The following KCNC1 variants were observed in gnomAD, a reference collection of about 807,000 sequenced individuals.
KCNC1 encodes the protein voltage-gated potassium channel KCNC1.
In KCNC1, 8 loss-of-function variants were observed where a neutral mutation model predicts 43.4. That is an observed-to-expected ratio of 0.18 (90% CI 0.11 to 0.33). The LOEUF (loss-of-function observed/expected upper bound fraction) is 0.33. KCNC1 is among the 10% of genes least tolerant of loss of function. The pLI, the probability that KCNC1 is intolerant of heterozygous loss-of-function variation, is 1.00. For synonymous variants in KCNC1, 361 were observed against 360.5 expected (o/e 1.00, Z -0.01); for missense variants, 420 against 836.0 (o/e 0.50, Z 6.14).
At chr11:17,749,916 G>A (rs1848946488) in intron 1 of KCNC1, among the ~76,000 whole-genome samples, 1 of 152,250 alleles carries the variant, frequency 6.6e-6, no homozygotes, top group Non-Finnish European at 1.5e-5. Flanking sequence ...CAGACCAGAG[G>A]CAGAAAGAGC....
Position 17,739,971 on chromosome 11 carries a change from A to C in KCNC1, c.570+3399A>C, listed in dbSNP as rs1170077584. On this transcript the variant is annotated intron_variant, in intron 1 of 3. Transcript: ENST00000265969. This position sits in a 1 kb window ranked among gnomAD's most constrained non-coding sequence, Gnocchi z 4.2. ...ACTGCCTCAGTCTCTGGGACTCCGGAGTGGCCTAACTGAGGGCATTTCCTT... is the reference window on the plus strand; with the variant it reads ...ACTGCCTCAGTCTCTGGGACTCCGGCGTGGCCTAACTGAGGGCATTTCCTT... 6.6e-6 allele frequency among the ~76,000 whole-genome samples: 1 copy of C among 152,134 alleles called. No individual in the cohort carries two copies. Among genetic ancestry groups the C allele is most frequent in the African/African-American group, 2.4e-5 (1 of 41,426 alleles).
rs1343407413 is a variant in KCNC1, at chr11:17,776,028, TAA to T, written c.1505-3427_1505-3426del. On this transcript the variant is annotated intron_variant, in intron 2 of 3. Coordinates refer to ENST00000265969, the MANE Select transcript of KCNC1 (RefSeq NM_001112741.2). This position sits in a 1 kb window ranked among gnomAD's most constrained non-coding sequence, Gnocchi z 4.4. ...GCGCTGACTAGGCGGCGGGTGGGGCTAAGAGAGTTTCTGCAGGGACCCAGCTG... is the reference window on the plus strand; with the variant it reads ...GCGCTGACTAGGCGGCGGGTGGGGCTGAGAGTTTCTGCAGGGACCCAGCTG... The T allele has an allele frequency of 2.0e-6, 2 of 985,176 alleles. No homozygotes were observed. Among genetic ancestry groups the T allele is most frequent in the African/African-American group, 3.5e-5 (2 of 57,170 alleles). 61.0% of individuals were successfully genotyped at this position (985,176 alleles called of 1,614,324 possible). A position where few individuals can be genotyped will look rare whatever the true frequency, so the allele number is the denominator to read the frequency against.
In KCNC1 at chr11:17,739,793, TTGTG is replaced by T. The variant is rs1848817916; in HGVS notation, c.570+3226_570+3229del. On this transcript the variant is annotated intron_variant, in intron 1 of 3. Coordinates refer to ENST00000265969, the MANE Select transcript of KCNC1 (RefSeq NM_001112741.2). This position sits in a 1 kb window ranked among gnomAD's most constrained non-coding sequence, Gnocchi z 4.2. ...TGTGAAGGTGTGTGTAAGACAGAGA[TTGTG>T]TGTGAAATCCTGTGTGTGACAGTGT... 6.6e-6 allele frequency among the ~76,000 whole-genome samples: 1 copy of T among 150,672 alleles called. No individual in the cohort carries two copies. The highest frequency in any genetic ancestry group is 2.1e-4 in the South Asian group (1 of 4,750).
Position 17,776,193 on chromosome 11 carries a change from T to C in KCNC1, c.1505-3263T>C, listed in dbSNP as rs894905914. On this transcript the variant is annotated intron_variant, in intron 2 of 3. Transcript: ENST00000265969. The surrounding 1 kb of genome is among the most constrained non-coding windows in gnomAD (Gnocchi z 4.4). Reference sequence around the variant, plus strand: ...TCCGTGTTGTTCACATTTTCTCTCTTTCTCTCTCTCTCCACTAATCATGTT... The same window carrying C: ...TCCGTGTTGTTCACATTTTCTCTCTCTCTCTCTCTCTCCACTAATCATGTT... 9 of 985,214 alleles carry C rather than the reference T, an allele frequency of 9.1e-6. No individual in the cohort carries two copies. The highest frequency in any genetic ancestry group is 9.6e-6 in the Non-Finnish European group (8 of 829,798). The allele number at this position is 985,214 out of a possible 1,614,324, so 61.0% of individuals were successfully genotyped here.
chr11:17,755,180 T>C (rs933943861), intron 1 of KCNC1, among the ~76,000 whole-genome samples: 27 of 152,112 alleles, frequency 1.8e-4, no homozygotes, highest in Admixed American at 1.7e-3. Context: ...GGCAGGCGTG[T>C]GTCTGGCATA....
At position 17,781,794 on chromosome 11, in the gene KCNC1, C is replaced by T. The variant is rs1849348943; in HGVS notation, c.*60C>T. The T allele has an allele frequency of 1.7e-6, 2 of 1,156,286 alleles. No individual in the cohort carries two copies. Among genetic ancestry groups the T allele is most frequent in the Admixed American group, 2.0e-5 (1 of 50,340 alleles). The allele number at this position is 1,156,286 out of a possible 1,614,324, so 71.6% of individuals were successfully genotyped here. On this transcript the variant is annotated 3_prime_UTR_variant, in exon 4 of 4. Transcript: ENST00000265969. The surrounding 1 kb of genome is among the most constrained non-coding windows in gnomAD (Gnocchi z 5.1). ...AAGCATCTGGGTGGACCTGCAGCCC[C>T]TCCTCACCCTCGGACAGAGTAAATT... is the stretch of plus-strand genomic sequence containing the variant.
intron 1 of KCNC1, among the ~76,000 whole-genome samples, chr11:17,745,533 C>T (rs572797867): frequency 7.8e-4 from 119 of 152,186 alleles, no homozygotes; most frequent in Non-Finnish European, 1.4e-3. Flanking sequence ...CAGCCAGGGC[C>T]GGCCTGGCAA....
chr11:17,777,450 G>A lies in KCNC1; in HGVS notation c.1505-2006G>A, dbSNP rs1049718457. On this transcript the variant is annotated intron_variant, in intron 2 of 3. Coordinates refer to ENST00000265969, the MANE Select transcript of KCNC1 (RefSeq NM_001112741.2). This position sits in a 1 kb window ranked among gnomAD's most constrained non-coding sequence, Gnocchi z 4.3. ...CCTCAACCCCCACATCGTCATCCGCGTCCTCTCCATACTGTTTCCCTCCCC... is the reference window on the plus strand; with the variant it reads ...CCTCAACCCCCACATCGTCATCCGCATCCTCTCCATACTGTTTCCCTCCCC... The A allele has an allele frequency of 1.5e-5, 15 of 985,732 alleles. No homozygotes were observed. The highest frequency in any genetic ancestry group is 5.2e-4 in the Middle Eastern group (1 of 1,940). 61.1% of individuals were successfully genotyped at this position (985,732 alleles called of 1,614,324 possible).
intron 1 of KCNC1, among the ~76,000 whole-genome samples, chr11:17,759,259 TAG>T (rs1565158945): frequency 6.6e-6 from 1 of 152,270 alleles, no homozygotes; most frequent in African/African-American, 2.4e-5. Flanking sequence ...TTAGCCTTCC[TAG>T]AATTCAAGAG....
At chr11:17,757,847 T>C (rs1380697501) in intron 1 of KCNC1, among the ~76,000 whole-genome samples, 1 of 152,236 alleles carries the variant, frequency 6.6e-6, no homozygotes, top group African/African-American at 2.4e-5. Context: ...CAGTGAGTCA[T>C]AATCTTTTTG....
rs1237851177 is a variant in KCNC1 at position 17,779,614 on chromosome 11, G to A, written c.1663G>A (p.Ala555Thr). The change falls in exon 3 of 4, where the codon GCG (alanine) becomes ACG (threonine). Residue 555 changes from alanine to threonine, a missense_variant. Around this residue, in one of 5 missense-constraint regions of KCNC1, gnomAD observed 147 missense variants for 176.1 expected, o/e 0.83. Transcript: ENST00000265969. This position sits in a 1 kb window ranked among gnomAD's most constrained non-coding sequence, Gnocchi z 7.2. ...PCFLLSTGEY[A>T]CPPGGGMRKD... ...CTTCCTCTTATCAACCGGGGAGTAC[G>A]CGTGCCCACCTGGTGGAGGAATGAG... The A allele has an allele frequency of 1.2e-5, 18 of 1,549,894 alleles. No homozygotes were observed. Among genetic ancestry groups the A allele is most frequent in the African/African-American group, 2.7e-5 (2 of 72,928 alleles).
At position 17,777,214 on chromosome 11, in the gene KCNC1, G is replaced by A. The variant is rs1028919589; in HGVS notation, c.1505-2242G>A. ...TCAGAGCCAGAGAAGGGTCTCAGGC[G>A]GCACCATCTCCACAGAGGCAGAGGC... is the stretch of plus-strand genomic sequence containing the variant. On this transcript the variant is annotated intron_variant, in intron 2 of 3. Coordinates refer to ENST00000265969, the MANE Select transcript of KCNC1 (RefSeq NM_001112741.2). The surrounding 1 kb of genome is among the most constrained non-coding windows in gnomAD (Gnocchi z 4.3). The A allele has an allele frequency of 2.9e-5, 29 of 985,570 alleles. 1 individual carries two copies. Among genetic ancestry groups the A allele is most frequent in the African/African-American group, 1.6e-4 (9 of 57,142 alleles). The allele number at this position is 985,570 out of a possible 1,614,324, so 61.1% of individuals were successfully genotyped here.
chr11:17,738,605 C>A (rs1038718875), intron 1 of KCNC1, among the ~76,000 whole-genome samples: 1 of 152,060 alleles, frequency 6.6e-6, no homozygotes, highest in Non-Finnish European at 1.5e-5. Context: ...CATGTTCCAA[C>A]CCCCTCCCCT....
chr11:17,754,615 C>G lies in KCNC1; in HGVS notation c.571-17050C>G, dbSNP rs373044471. On this transcript the variant is annotated intron_variant, in intron 1 of 3. Transcript: ENST00000265969. ...CACGACCTTCTTTCCACAGAGGAAACCTATGCTTGTGCTCCCCATTTCCTG... is the reference window on the plus strand; with the variant it reads ...CACGACCTTCTTTCCACAGAGGAAAGCTATGCTTGTGCTCCCCATTTCCTG... Among the ~76,000 whole-genome samples the G allele has an allele frequency of 1.7e-4, 26 of 152,318 alleles. No homozygotes were observed. In the South Asian group the frequency reaches 4.3e-3, roughly 25 times the overall value.
At chr11:17,763,342 T>C (rs905383796) in intron 1 of KCNC1, among the ~76,000 whole-genome samples, 1 of 151,928 alleles carries the variant, frequency 6.6e-6, no homozygotes. Context: ...CCTGGGCTAA[T>C]GAAGGAGTGA....
intron 1 of KCNC1, among the ~76,000 whole-genome samples, chr11:17,752,682 A>G (rs1041020244): frequency 1.3e-5 from 2 of 152,066 alleles, no homozygotes; most frequent in African/African-American, 4.8e-5. Flanking sequence ...TTCAAATTCT[A>G]CCTCCCTCAC....
Position 17,767,152 on chromosome 11 carries a change from C to A in KCNC1, c.571-4513C>A, listed in dbSNP as rs183724300. ...GTCTTAAAAAAAAAAAAAAATTAGC[C>A]GGCTGTGGTGGTGCACACTTATAAT... On this transcript the variant is annotated intron_variant, in intron 1 of 3. Transcript: ENST00000265969. Among the ~76,000 whole-genome samples, 1,329 of 148,802 alleles carry A rather than the reference C, an allele frequency of 8.9e-3. 14 individuals carry two copies. Among genetic ancestry groups the A allele is most frequent in the African/African-American group, 9.5e-3 (382 of 40,370 alleles).
At chr11:17,748,880 G>T (rs1050663659) in intron 1 of KCNC1, among the ~76,000 whole-genome samples, 6 of 152,200 alleles carry the variant, frequency 3.9e-5, no homozygotes, top group Non-Finnish European at 7.3e-5. Context: ...CTGAAGGTCT[G>T]TGGTGCCCAG....
intron 1 of KCNC1, among the ~76,000 whole-genome samples, chr11:17,767,091 C>T (rs1168785581): frequency 6.6e-6 from 1 of 151,022 alleles, no homozygotes; most frequent in East Asian, 1.9e-4. Context: ...GAGATTGCGC[C>T]ATTGCACTCC....
Sources: gnomAD v4.1 joint callset for allele counts (sites outside exome capture counted in the v4.1 genomes callset) on GRCh38, gnomAD v4.1.1 for gene constraint, gnomAD v4.1.1 regional missense constraint, Gnocchi (gnomAD v3.1) non-coding constraint, MANE v1.5 for transcripts, NCBI Gene and HGNC (gene_info 2026-07-23, HGNC 2026-07-21) for gene names.